The following CSMD1 variants were observed in gnomAD, a reference collection of about 807,000 sequenced individuals.
CSMD1 encodes CUB and Sushi multiple domains 1, also known as CUB and sushi domain-containing protein 1.
Under a neutral mutation model 417.5 loss-of-function variants are expected in CSMD1, and 213 were observed. That is an observed-to-expected ratio of 0.51 (90% CI 0.46 to 0.57). The LOEUF is 0.57. CSMD1 is among the 20% of genes least tolerant of loss of function. The pLI, the probability that CSMD1 is intolerant of heterozygous loss-of-function variation, is 0.00. For missense variants in CSMD1, 6,923 were observed against 4,529.7 expected (o/e 1.53, Z -15.17); for synonymous variants, 2,862 against 1,736.8 (o/e 1.65, Z -16.11).
intron 3 of CSMD1, among the ~76,000 whole-genome samples, chr8:4,340,707 A>G (rs1204373648): frequency 2.0e-5 from 3 of 152,114 alleles, no homozygotes; most frequent in Non-Finnish European, 4.4e-5. Flanking sequence ...CATTTTAAAC[A>G]AAATATCAGC....
chr8:3,106,627 A>G lies in CSMD1; in HGVS notation c.6850T>C (p.Tyr2284His), dbSNP rs1418047073. The G allele has an allele frequency of 6.2e-7, 1 of 1,612,128 alleles. No individual in the cohort carries two copies. The highest frequency in any genetic ancestry group is 8.5e-7 in the Non-Finnish European group (1 of 1,178,594). The change falls in exon 46 of 70, where the codon TAC becomes CAC. Residue 2284 changes from tyrosine to histidine, a missense_variant. By Grantham distance (83) the Tyr-to-His change is moderately conservative. Coordinates refer to ENST00000635120, the MANE Select transcript of CSMD1 (RefSeq NM_033225.6). ...AAGGTGTACCCGGGGTGGCACTGGT[A>G]CTTCACAAAATCTCCTAGAAGAGTC... ...DDFEIGDFVK[Y>H]QCHPGYTLVG...
chr8:4,365,709 C>G (rs1259799234), intron 3 of CSMD1, among the ~76,000 whole-genome samples: 1 of 152,198 alleles, frequency 6.6e-6, no homozygotes, highest in Non-Finnish European at 1.5e-5. Flanking sequence ...CTGAGACTTT[C>G]TGCCACGTGC....
rs182918277 is a variant in CSMD1 at position 4,708,697 on chromosome 8, T to G, written c.86-71139A>C. On this transcript the variant is annotated intron_variant, in intron 1 of 69. Coordinates refer to ENST00000635120, the MANE Select transcript of CSMD1 (RefSeq NM_033225.6). ...TCATTTTTTTTTTTAAGAGAAAGAT[T>G]TCCCAACTGTGGCGGTGGAATTGTG... 4.9e-3 allele frequency among the ~76,000 whole-genome samples: 739 copies of G among 152,294 alleles called. 9 individuals are homozygous for G. The highest frequency in any genetic ancestry group is 0.016 in the African/African-American group (659 of 41,558).
chr8:3,613,757 G>A (rs1028170647), intron 8 of CSMD1, among the ~76,000 whole-genome samples: 53 of 145,914 alleles, frequency 3.6e-4, no homozygotes, highest in Non-Finnish European at 1.2e-4. Flanking sequence ...ATTACAAACA[G>A]AAGGATACTT....
intron 3 of CSMD1, among the ~76,000 whole-genome samples, chr8:4,269,418 T>C (rs1056804554): frequency 1.5e-4 from 23 of 152,190 alleles, no homozygotes; most frequent in African/African-American, 5.5e-4. Context: ...TGTGTAGCTT[T>C]TGATATTGAG....
chr8:3,768,921 G>A (rs1397746541), intron 5 of CSMD1, among the ~76,000 whole-genome samples: 1 of 152,196 alleles, frequency 6.6e-6, no homozygotes, highest in South Asian at 2.1e-4. Context: ...AGCACTCACT[G>A]CTTTTCAAGA....
chr8:3,498,396 T>A (rs1563095544), intron 10 of CSMD1, among the ~76,000 whole-genome samples: 1 of 152,212 alleles, frequency 6.6e-6, no homozygotes, highest in Admixed American at 6.5e-5. Flanking sequence ...TTTTTCTTTT[T>A]CTTGGGAAAA....
At chr8:4,325,553 C>G (rs1228452579) in intron 3 of CSMD1, among the ~76,000 whole-genome samples, 2 of 152,168 alleles carry the variant, frequency 1.3e-5, no homozygotes, top group African/African-American at 4.8e-5. Context: ...CAAAAGCATG[C>G]CTACCTTGTT....
chr8:4,051,915 T>TTCCTTCCTTC (rs1563058913), intron 3 of CSMD1, among the ~76,000 whole-genome samples: 48 of 137,048 alleles, frequency 3.5e-4, no homozygotes, highest in African/African-American at 1.2e-3. Context: ...TTCCTTCCTT[T>TTCCTTCCTTC]CTTTCTTTTT....
At chr8:4,256,414 A>G (rs184260180) in intron 3 of CSMD1, among the ~76,000 whole-genome samples, 1 of 152,322 alleles carries the variant, frequency 6.6e-6, no homozygotes, top group East Asian at 1.9e-4. Flanking sequence ...TTCTCCTCTG[A>G]AAATAGCACA....
intron 52 of CSMD1, among the ~76,000 whole-genome samples, chr8:3,010,677 C>T (rs1026888327): frequency 2.0e-5 from 3 of 152,090 alleles, no homozygotes; most frequent in African/African-American, 7.2e-5. Flanking sequence ...CTCTAGGTTG[C>T]TCCCACTCTC....
intron 2 of CSMD1, among the ~76,000 whole-genome samples, chr8:4,420,741 G>C (rs1224610490): frequency 6.6e-6 from 1 of 152,066 alleles, no homozygotes; most frequent in African/African-American, 2.4e-5. Flanking sequence ...GCCGTCTAGA[G>C]GGCAAACCAA....
At chr8:4,528,686 C>A (rs1420922611) in intron 2 of CSMD1, among the ~76,000 whole-genome samples, 1 of 152,036 alleles carries the variant, frequency 6.6e-6, no homozygotes, top group African/African-American at 2.4e-5. Context: ...CACAAACTCT[C>A]CAATGTATAT....
chr8:3,442,449 TTA>T (rs1815045677), intron 12 of CSMD1, among the ~76,000 whole-genome samples: 1 of 152,198 alleles, frequency 6.6e-6, no homozygotes, highest in Admixed American at 6.5e-5. Flanking sequence ...TTTTTATCTC[TTA>T]TACAGTGTTT....
chr8:3,411,009 G>C (rs61267782), intron 12 of CSMD1, among the ~76,000 whole-genome samples: 15,683 of 152,200 alleles, frequency 0.1, 1,026 homozygotes, highest in East Asian at 0.26. Flanking sequence ...CCAGTGTGCC[G>C]GGCAGGGCAG....
rs1050887208 is a variant in CSMD1, at chr8:4,842,540, G to A, written c.85+151792C>T. Among the ~76,000 whole-genome samples the A allele has an allele frequency of 3.3e-5, 5 of 152,154 alleles. No individual in the cohort carries two copies. The East Asian group carries it at 9.6e-4, about 29-fold the overall frequency. ...TGTAGCAAGTGTTCACTTACAGCGA[G>A]CACTAAGGGTCACAACGTAGGAGCC... On this transcript the variant is annotated intron_variant, in intron 1 of 69. Coordinates refer to ENST00000635120, the MANE Select transcript of CSMD1 (RefSeq NM_033225.6).
rs75184805 is a variant in CSMD1, at chr8:4,794,494, C to T, written c.86-156936G>A. ...CCAGTACAAAATGGGCAGCAAGTCACTGTGTTCTGTCCCCTGCTCTCCTCT... is the reference window on the plus strand; with the variant it reads ...CCAGTACAAAATGGGCAGCAAGTCATTGTGTTCTGTCCCCTGCTCTCCTCT... On this transcript the variant is annotated intron_variant, in intron 1 of 69. Coordinates refer to ENST00000635120, the MANE Select transcript of CSMD1 (RefSeq NM_033225.6). 1.3e-3 allele frequency among the ~76,000 whole-genome samples: 203 copies of T among 152,296 alleles called. 2 individuals are homozygous for T. The East Asian group carries it at 0.037, about 28-fold the overall frequency.
intron 49 of CSMD1, among the ~76,000 whole-genome samples, chr8:3,079,029 G>A (rs991027149): frequency 6.6e-6 from 1 of 152,202 alleles, no homozygotes; most frequent in East Asian, 1.9e-4. Context: ...CACTTGCCCT[G>A]TCCAGGGTCA....
chr8:4,866,003 C>G (rs751721274), intron 1 of CSMD1, among the ~76,000 whole-genome samples: 32 of 151,856 alleles, frequency 2.1e-4, no homozygotes, highest in Admixed American at 6.6e-4. Context: ...ATAGCAACAT[C>G]TAAATTTAAA....
Sources: gnomAD v4.1 joint callset for allele counts (sites outside exome capture counted in the v4.1 genomes callset) on GRCh38, gnomAD v4.1.1 for gene constraint, MANE v1.5 for transcripts, NCBI Gene and HGNC (gene_info 2026-07-23, HGNC 2026-07-21) for gene names.